FRRS1: variants seen among roughly 807,000 people sequenced by gnomAD.
The protein encoded by FRRS1 is ferric chelate reductase 1, also known as ferric reductase 1.
FRRS1 carries 51 observed loss-of-function variants against 70.7 expected under a neutral mutation model. The ratio of observed to expected loss-of-function variants is 0.72; its 90% CI spans 0.58 to 0.91. The LOEUF is 0.91. Among genes scored for constraint, FRRS1 ranks in the 40% least tolerant of loss-of-function variants. The probability of loss-of-function intolerance (pLI) is 0.00; values close to 1 mark genes in which losing one functional copy is unlikely to be tolerated. For synonymous variants in FRRS1, 225 were observed against 238.7 expected, an observed-to-expected ratio of 0.94 and a Z score of 0.53; for missense variants, 672 against 726.0, an observed-to-expected ratio of 0.93 and a Z score of 0.86.
At chr1:99,709,846 T>C (rs1654187786) in intron 15 of FRRS1, among the ~76,000 whole-genome samples, 1 of 152,144 alleles carries the variant, frequency 6.6e-6, no homozygotes, top group Non-Finnish European at 1.5e-5. Context: ...CACGTCCCTG[T>C]GATCCCAGCT....
rs41285734 is a variant in FRRS1, at chr1:99,742,262, C to G, written c.345G>C (p.Val115=). Residue 115 remains valine, a synonymous_variant, in exon 5 of 17, where the codon GTG becomes GTC. Coordinates refer to ENST00000646001, the MANE Select transcript of FRRS1 (RefSeq NM_001361041.2). The part of the protein sequence containing the change: ...LTCEDIQGSA[V]SHRSASKKTE... ...TTTTTTTAGATGCACTTCTGTGACTCACTGCTGATCCCTGAAATAAAAGGG... is the reference window on the plus strand; with the variant it reads ...TTTTTTTAGATGCACTTCTGTGACTGACTGCTGATCCCTGAAATAAAAGGG... 0.037 allele frequency: 59,295 copies of G among 1,600,932 alleles called. 2,161 individuals are homozygous for G. The highest frequency in any genetic ancestry group is 0.17 in the South Asian group (15,036 of 90,566).
chr1:99,736,173 T>C (rs1275903705), intron 7 of FRRS1, among the ~76,000 whole-genome samples: 1 of 152,182 alleles, frequency 6.6e-6, no homozygotes, highest in Non-Finnish European at 1.5e-5. Flanking sequence ...CCTTATACAC[T>C]AAACATTGTT....
chr1:99,740,760 C>A (rs1224402273), intron 6 of FRRS1, 33 bp downstream of exon 6: 2 of 1,486,800 alleles, frequency 1.3e-6, no homozygotes, highest in African/African-American at 2.8e-5. Context: ...GGTGAAACCC[C>A]ATCTCTACAG....
rs530304469 is a variant in FRRS1, at chr1:99,704,563, G to A, written c.*4465C>T. Among the ~76,000 whole-genome samples, 3 of 152,274 alleles carry A rather than the reference G, an allele frequency of 2.0e-5. No individual in the cohort carries two copies. In the South Asian group the frequency reaches 6.2e-4, roughly 32 times the overall value. ...GGTCTAAGTGAGGACAGGCACCCCT[G>A]CCTTCAGCGCCCAAATGTTGCATTT... On this transcript the variant is annotated 3_prime_UTR_variant, in exon 17 of 17. Coordinates refer to ENST00000646001, the MANE Select transcript of FRRS1 (RefSeq NM_001361041.2).
At chr1:99,756,045 A>G (rs1027118508) in intron 1 of FRRS1, among the ~76,000 whole-genome samples, 2 of 152,234 alleles carry the variant, frequency 1.3e-5, no homozygotes, top group Non-Finnish European at 2.9e-5. Context: ...CTATATTAAC[A>G]GATCACATAA....
intron 15 of FRRS1, 113 bp downstream of exon 15, chr1:99,710,693 G>A (rs1265062431): frequency 2.2e-6 from 2 of 891,012 alleles, no homozygotes; most frequent in African/African-American, 3.4e-5. Context: ...GTGATCACAA[G>A]TTTTTAGTGA....
chr1:99,732,897 G>A (rs1188901074), intron 7 of FRRS1, among the ~76,000 whole-genome samples: 1 of 150,420 alleles, frequency 6.6e-6, no homozygotes, highest in Non-Finnish European at 1.5e-5. Context: ...AGGCTGGAAT[G>A]CAGTGGTGCA....
intron 1 of FRRS1, 37 bp downstream of exon 1, chr1:99,766,570 A>T (rs1657363895): frequency 6.6e-6 from 1 of 152,258 alleles, no homozygotes; most frequent in South Asian, 2.1e-4. Flanking sequence ...CGCTTTACAA[A>T]GAGCTTTGAC....
intron 7 of FRRS1, among the ~76,000 whole-genome samples, chr1:99,732,543 C>T (rs902029889): frequency 5.3e-5 from 8 of 152,104 alleles, no homozygotes; most frequent in African/African-American, 1.9e-4. Context: ...TTAAGCAGAC[C>T]TTAGAAGATA....
At position 99,708,615 on chromosome 1, in the gene FRRS1, A is replaced by T; in HGVS notation, c.*413T>A. Reference sequence around the variant, plus strand: ...TCTGTCTCAAAAAAAAAAAAAAAAAAAAAAAAAAAAATATATATATATATA... The same window carrying T: ...TCTGTCTCAAAAAAAAAAAAAAAAATAAAAAAAAAAATATATATATATATA... On this transcript the variant is annotated 3_prime_UTR_variant, in exon 17 of 17. Coordinates refer to ENST00000646001, the MANE Select transcript of FRRS1 (RefSeq NM_001361041.2). The T allele has an allele frequency of 1.1e-5, 1 of 92,932 alleles. No individual in the cohort carries two copies. The highest frequency in any genetic ancestry group is 4.8e-5 in the African/African-American group (1 of 20,738). The allele number at this position is 92,932 out of a possible 1,614,324, so 5.8% of individuals were successfully genotyped here.
rs757010928 is a variant in FRRS1 at position 99,748,749 on chromosome 1, G to C, written c.20C>G (p.Thr7Ser). 8.1e-6 allele frequency: 13 copies of C among 1,613,322 alleles called. No homozygotes were observed. Among genetic ancestry groups the C allele is most frequent in the Non-Finnish European group, 1.1e-5 (13 of 1,179,610 alleles). The stretch of plus-strand genomic sequence containing the variant: ...CAACAGAAGTATGCAGGTACCAAGA[G>C]TAAATCCAGAAACTGCCATCTCAAA... Reference protein sequence around the residue: MAVSGFTLGTCILLLHI... With the variant: MAVSGFSLGTCILLLHI... The change falls in exon 3 of 17, where the codon ACT (threonine) becomes AGT (serine). Residue 7 changes from threonine to serine, a missense_variant. By Grantham distance (58) the Thr-to-Ser change is moderately conservative. Transcript: ENST00000646001.
rs1160651729 is a variant in FRRS1 at position 99,704,957 on chromosome 1, T to C, written c.*4071A>G. Among the ~76,000 whole-genome samples, 2 of 152,124 alleles carry C rather than the reference T, an allele frequency of 1.3e-5. No homozygotes were observed. Among genetic ancestry groups the C allele is most frequent in the Non-Finnish European group, 2.9e-5 (2 of 68,008 alleles). ...CTTGCACTCGTTCTTCAAGCCCAGG[T>C]GTGATCCGATTCTCCTGGTACACCA... On this transcript the variant is annotated 3_prime_UTR_variant, in exon 17 of 17. Transcript: ENST00000646001.
rs372487588 is a variant in FRRS1 at position 99,710,993 on chromosome 1, A to G, written c.1481-44T>C. The G allele has an allele frequency of 2.1e-5, 32 of 1,553,472 alleles. No homozygotes were observed. The African/African-American group carries it at 4.2e-4, about 20-fold the overall frequency. On this transcript the variant is annotated intron_variant, in intron 14 of 16. Transcript: ENST00000646001. Reference sequence around the variant, plus strand: ...AGTTACATTCAAATGTAGTCCCACCAAGAGAGACAATTGTGTGTTTGTGTA... The same window carrying G: ...AGTTACATTCAAATGTAGTCCCACCGAGAGAGACAATTGTGTGTTTGTGTA...
chr1:99,764,255 T>C (rs563666177), intron 1 of FRRS1, among the ~76,000 whole-genome samples: 1 of 152,300 alleles, frequency 6.6e-6, no homozygotes, highest in African/African-American at 2.4e-5. Context: ...TATACATAAC[T>C]TAAAAGGAAA....
At chr1:99,746,511 G>A (rs1656276147) in intron 4 of FRRS1, among the ~76,000 whole-genome samples, 1 of 152,208 alleles carries the variant, frequency 6.6e-6, no homozygotes, top group Non-Finnish European at 1.5e-5. Flanking sequence ...GAAAAAAAAG[G>A]TGGGGGACGA....
chr1:99,743,738 C>T (rs1462558709), intron 4 of FRRS1, among the ~76,000 whole-genome samples: 2 of 152,002 alleles, frequency 1.3e-5, no homozygotes, highest in African/African-American at 2.4e-5. Flanking sequence ...TTTGTAGAGA[C>T]GGGGTTTCGC....
In FRRS1 at chr1:99,756,600, C is replaced by T. The variant is rs182716479; in HGVS notation, c.-105-7599G>A. ...AATTCAGACAAAACTAGAATTCAAT[C>T]AAAAATATTTAGATGTAAGAAAGTC... On this transcript the variant is annotated intron_variant, in intron 1 of 16. Transcript: ENST00000646001. Among the ~76,000 whole-genome samples the T allele has an allele frequency of 1.3e-3, 197 of 152,022 alleles. 1 individual carries two copies. The highest frequency in any genetic ancestry group is 3.3e-3 in the African/African-American group (136 of 41,482).
chr1:99,712,312 C>A, intron 13 of FRRS1, 106 bp downstream of exon 13: 1 of 976,862 alleles, frequency 1.0e-6, no homozygotes, highest in Non-Finnish European at 1.5e-6. Context: ...TATAATTTAT[C>A]ACTGAATTTT....
chr1:99,734,278 C>T lies in FRRS1; in HGVS notation c.759+3808G>A, dbSNP rs550078624. Among the ~76,000 whole-genome samples, 22 of 152,184 alleles carry T rather than the reference C, an allele frequency of 1.4e-4. No homozygotes were observed. The East Asian group carries it at 3.5e-3, about 24-fold the overall frequency. On this transcript the variant is annotated intron_variant, in intron 7 of 16. Transcript: ENST00000646001. ...CAGATCGTCTGTTACATAAAATTAA[C>T]GTTAAATTTTCTTAATGTGATAAAA...
Sources: gnomAD v4.1 joint callset for allele counts (sites outside exome capture counted in the v4.1 genomes callset) on GRCh38, gnomAD v4.1.1 for gene constraint, MANE v1.5 for transcripts, NCBI Gene and HGNC (gene_info 2026-07-23, HGNC 2026-07-21) for gene names.